ATRNL1: variants seen among roughly 807,000 people sequenced by gnomAD.
The protein encoded by ATRNL1 is attractin like 1.
ATRNL1 carries 95 observed loss-of-function variants against 182.7 expected under a neutral mutation model. The ratio of observed to expected loss-of-function variants is 0.52; its 90% CI spans 0.44 to 0.62. The LOEUF (loss-of-function observed/expected upper bound fraction) is 0.62, where lower values mean the gene tolerates loss of function less well. Ranked by LOEUF, ATRNL1 falls within the 20% of genes least tolerant of loss-of-function variation. ATRNL1 has a pLI of 0.00. For synonymous variants in ATRNL1, 576 were observed against 568.3 expected, an observed-to-expected ratio of 1.01 and a Z score of -0.19; for missense variants, 1,471 against 1,679.5, an observed-to-expected ratio of 0.88 and a Z score of 2.17.
intron 9 of ATRNL1, among the ~76,000 whole-genome samples, chr10:115,238,698 C>A (rs1554902108): frequency 6.6e-6 from 1 of 152,020 alleles, no homozygotes; most frequent in Non-Finnish European, 1.5e-5. Context: ...TGAAAAAATA[C>A]CATTTTATTT....
chr10:115,658,090 C>CTTTTTTT (rs71010038), intron 26 of ATRNL1, among the ~76,000 whole-genome samples: 13 of 90,298 alleles, frequency 1.4e-4, no homozygotes, highest in Non-Finnish European at 1.8e-4. Flanking sequence ...AATTTTTTTC[C>CTTTTTTT]TTTTTTTTTT....
rs1850666937 is a variant in ATRNL1 at position 115,246,855 on chromosome 10, C to T, written c.1687+5130C>T. ...GATTACAGGCGTGAGCCACCGCGCC[C>T]GGCCATCTCTCTCATTCTTAACAAG... On this transcript the variant is annotated intron_variant, in intron 10 of 28. Transcript: ENST00000355044. 4.6e-5 allele frequency among the ~76,000 whole-genome samples: 3 copies of T among 65,000 alleles called. 1 individual carries two copies. The highest frequency in any genetic ancestry group is 2.3e-4 in the African/African-American group (3 of 12,860). 42.6% of individuals were successfully genotyped at this position (65,000 alleles called of 152,430 possible). A position where few individuals can be genotyped will look rare whatever the true frequency, so the allele number is the denominator to read the frequency against.
chr10:115,673,019 G>A lies in ATRNL1; in HGVS notation c.3796-54229G>A, dbSNP rs887523705. Among the ~76,000 whole-genome samples, 5 of 151,628 alleles carry A rather than the reference G, an allele frequency of 3.3e-5. No homozygotes were observed. The East Asian group carries it at 5.8e-4, about 18-fold the overall frequency. The stretch of plus-strand genomic sequence containing the variant: ...TATCCAATCCAGCTCATCTTTTATC[G>A]TACTGATTTTAGGAATGAATATGGT... On this transcript the variant is annotated intron_variant, in intron 26 of 28. Coordinates refer to ENST00000355044, the MANE Select transcript of ATRNL1 (RefSeq NM_207303.4).
intron 27 of ATRNL1, among the ~76,000 whole-genome samples, chr10:115,795,113 T>A (rs1263784031): frequency 6.6e-6 from 1 of 152,198 alleles, no homozygotes; most frequent in African/African-American, 2.4e-5. Context: ...CCTGGTTTCT[T>A]TTAGTGGAAA....
chr10:115,463,329 A>C (rs959134079), intron 22 of ATRNL1, among the ~76,000 whole-genome samples: 40 of 152,146 alleles, frequency 2.6e-4, no homozygotes, highest in African/African-American at 9.1e-4. Context: ...TTCTTGGGGA[A>C]TACATTTAAA....
intron 18 of ATRNL1, among the ~76,000 whole-genome samples, chr10:115,322,393 C>T (rs1349431954): frequency 6.6e-6 from 1 of 151,658 alleles, no homozygotes. Flanking sequence ...GGTATCATAC[C>T]TTTAGCCCAA....
intron 27 of ATRNL1, among the ~76,000 whole-genome samples, chr10:115,822,187 A>G (rs1589557108): frequency 6.6e-6 from 1 of 152,284 alleles, no homozygotes; most frequent in African/African-American, 2.4e-5. Context: ...CTACTGGGTA[A>G]ATAACAAAAT....
intron 28 of ATRNL1, among the ~76,000 whole-genome samples, chr10:115,899,433 C>T (rs1952294776): frequency 2.6e-5 from 4 of 152,168 alleles, no homozygotes; most frequent in East Asian, 1.9e-4. Flanking sequence ...CTCAGCCTAC[C>T]GAGCAGCTGG....
chr10:115,456,721 C>A (rs782383074), intron 21 of ATRNL1, among the ~76,000 whole-genome samples: 30 of 152,102 alleles, frequency 2.0e-4, no homozygotes, highest in Non-Finnish European at 3.7e-4. Context: ...TTTACTTCAT[C>A]CTCTATCCAC....
chr10:115,317,912 G>C (rs527829084), intron 18 of ATRNL1, among the ~76,000 whole-genome samples: 230 of 152,276 alleles, frequency 1.5e-3, no homozygotes, highest in African/African-American at 5.4e-3. Context: ...GATAGCCCTT[G>C]CCAGAACTTC....
chr10:115,160,582 CTGTAAATTTTAG>C (rs1554883048), intron 6 of ATRNL1, among the ~76,000 whole-genome samples: 2 of 151,448 alleles, frequency 1.3e-5, no homozygotes, highest in African/African-American at 4.8e-5. Flanking sequence ...TCAATTTGTT[CTGTAAATTTTAG>C]TGTACCTGAA....
chr10:115,370,252 A>G (rs1672631913), intron 19 of ATRNL1, among the ~76,000 whole-genome samples: 1 of 152,190 alleles, frequency 6.6e-6, no homozygotes, highest in South Asian at 2.1e-4. Flanking sequence ...ATGGACTAAT[A>G]CAGTAAATTA....
intron 28 of ATRNL1, among the ~76,000 whole-genome samples, chr10:115,900,233 CTATTA>C (rs1952317075): frequency 6.6e-6 from 1 of 152,046 alleles, no homozygotes; most frequent in Non-Finnish European, 1.5e-5. Context: ...CCCATACCTC[CTATTA>C]TAACTCAAAA....
chr10:115,562,822 G>T (rs571955448), intron 26 of ATRNL1, among the ~76,000 whole-genome samples: 2 of 152,160 alleles, frequency 1.3e-5, no homozygotes, highest in Non-Finnish European at 2.9e-5. Flanking sequence ...CCAGTCTCAA[G>T]TATGTCTTGC....
chr10:115,734,519 G>C (rs1555064659), intron 27 of ATRNL1, among the ~76,000 whole-genome samples: 1 of 151,806 alleles, frequency 6.6e-6, no homozygotes. Context: ...TTTATTGATA[G>C]TCATCTGATT....
chr10:115,179,847 A>G lies in ATRNL1; in HGVS notation c.1348+8555A>G, dbSNP rs547031440. ...TTTTAATGTCACATGGTCATCTTTAATGTTGCATTTTCTCTTAATGTGAAA... is the reference window on the plus strand; with the variant it reads ...TTTTAATGTCACATGGTCATCTTTAGTGTTGCATTTTCTCTTAATGTGAAA... On this transcript the variant is annotated intron_variant, in intron 8 of 28. Coordinates refer to ENST00000355044, the MANE Select transcript of ATRNL1 (RefSeq NM_207303.4). Among the ~76,000 whole-genome samples, 21 of 152,216 alleles carry G rather than the reference A, an allele frequency of 1.4e-4. 1 individual carries two copies. The South Asian group carries it at 4.4e-3, about 32-fold the overall frequency.
intron 14 of ATRNL1, 106 bp downstream of exon 14, chr10:115,281,593 A>G: frequency 3.5e-6 from 4 of 1,144,494 alleles, no homozygotes; most frequent in South Asian, 3.2e-5. Context: ...TTAAAGTCAT[A>G]GTAAATATCA....
intron 21 of ATRNL1, among the ~76,000 whole-genome samples, chr10:115,443,303 C>T (rs1421233706): frequency 6.6e-6 from 1 of 151,892 alleles, no homozygotes; most frequent in African/African-American, 2.4e-5. Flanking sequence ...ACACCTGTTT[C>T]TTTTGATTAG....
intron 25 of ATRNL1, among the ~76,000 whole-genome samples, chr10:115,525,961 C>T (rs1554986464): frequency 6.6e-6 from 1 of 152,108 alleles, no homozygotes; most frequent in African/African-American, 2.4e-5. Flanking sequence ...GTATCAGGCT[C>T]AGTTGGGTCA....
Sources: gnomAD v4.1 joint callset for allele counts (sites outside exome capture counted in the v4.1 genomes callset) on GRCh38, gnomAD v4.1.1 for gene constraint, MANE v1.5 for transcripts, NCBI Gene and HGNC (gene_info 2026-07-23, HGNC 2026-07-21) for gene names.